NFATC2: variants seen among roughly 807,000 people sequenced by gnomAD.
The protein encoded by NFATC2 is nuclear factor of activated T-cells, cytoplasmic 2.
In NFATC2, 22 loss-of-function variants were observed where a neutral mutation model predicts 87.3. The observed-to-expected ratio is 0.25, with a 90% CI of 0.18 to 0.36. NFATC2 has a LOEUF of 0.36. Ranked by LOEUF, NFATC2 falls within the 10% of genes least tolerant of loss-of-function variation. NFATC2 has a pLI of 1.00. For synonymous variants in NFATC2, 565 were observed against 542.2 expected, an observed-to-expected ratio of 1.04 and a Z score of -0.58; for missense variants, 1,149 against 1,259.1, an observed-to-expected ratio of 0.91 and a Z score of 1.32.
At chr20:51,406,103 G>A (rs144953912) in intron 9 of NFATC2, among the ~76,000 whole-genome samples, 10 of 152,226 alleles carry the variant, frequency 6.6e-5, no homozygotes, top group African/African-American at 1.9e-4. Flanking sequence ...TAATCCTCAC[G>A]GTCATCCCAT....
In NFATC2 at chr20:51,493,306, C is replaced by T. The variant is rs73910889; in HGVS notation, c.1333-17646G>A. ...TAAGCACAGCTCTTAGAACCAGTGGCGACACATAGTAAGCGCTCAGTAAAC... is the reference window on the plus strand; with the variant it reads ...TAAGCACAGCTCTTAGAACCAGTGGTGACACATAGTAAGCGCTCAGTAAAC... On this transcript the variant is annotated intron_variant, in intron 3 of 10. Transcript: ENST00000371564. Among the ~76,000 whole-genome samples, 839 of 152,182 alleles carry T rather than the reference C, an allele frequency of 5.5e-3. 5 individuals carry two copies. The highest frequency in any genetic ancestry group is 0.019 in the African/African-American group (804 of 41,508).
chr20:51,432,200 G>A lies in NFATC2; in HGVS notation c.2589C>T (p.Val863=), dbSNP rs1317519429. ...QRLSPGSYPT[V]IQQQNATSQR... is the part of the protein sequence containing the mutation. ...GGCTCGTGGCATTCTGCTGCTGAAT[G>A]ACTGTGGGGTAGGAACCCGGGCTCA... is the stretch of plus-strand genomic sequence containing the variant. Residue 863 remains valine (V), a synonymous_variant, in exon 9 of 11, where the codon GTC becomes GTT. Coordinates refer to ENST00000371564, the MANE Select transcript of NFATC2 (RefSeq NM_012340.5). This position sits in a 1 kb window ranked among gnomAD's most constrained non-coding sequence, Gnocchi z 4.6. The A allele has an allele frequency of 6.2e-7, 1 of 1,612,316 alleles. No individual in the cohort carries two copies. The highest frequency in any genetic ancestry group is 1.3e-5 in the African/African-American group (1 of 74,886).
At chr20:51,477,533 GTCTATA>G (rs1411601251) in intron 3 of NFATC2, among the ~76,000 whole-genome samples, 15 of 68,538 alleles carry the variant, frequency 2.2e-4, no homozygotes, top group South Asian at 5.1e-4. Flanking sequence ...GTGTGTGTGT[GTCTATA>G]TATATATATA....
intron 9 of NFATC2, among the ~76,000 whole-genome samples, chr20:51,404,080 T>G (rs1056916187): frequency 6.6e-6 from 1 of 152,144 alleles, no homozygotes; most frequent in African/African-American, 2.4e-5. Context: ...CACACCTTTG[T>G]GTCGCTTGGC....
chr20:51,469,458 A>G (rs1252805830), intron 5 of NFATC2, among the ~76,000 whole-genome samples: 1 of 152,218 alleles, frequency 6.6e-6, no homozygotes, highest in East Asian at 1.9e-4. Context: ...AGGAGCAGAC[A>G]GGAAGGGAAG....
chr20:51,503,668 G>C (rs1453650595), intron 3 of NFATC2, among the ~76,000 whole-genome samples: 1 of 152,260 alleles, frequency 6.6e-6, no homozygotes, highest in Non-Finnish European at 1.5e-5. Flanking sequence ...AGCCCACAGC[G>C]AGGCTGCACC....
chr20:51,424,562 G>T (rs927213369), intron 9 of NFATC2, among the ~76,000 whole-genome samples: 1 of 152,198 alleles, frequency 6.6e-6, no homozygotes, highest in Admixed American at 6.5e-5. Flanking sequence ...AGTTACAAAA[G>T]AGGGCAGTGA....
At position 51,461,034 on chromosome 20, in the gene NFATC2, A is replaced by T. The variant is rs114755973; in HGVS notation, c.1709-6346T>A. On this transcript the variant is annotated intron_variant, in intron 5 of 10. Transcript: ENST00000371564. Reference sequence around the variant, plus strand: ...TTAAGAGGCCACCTGAGGACGGGGAACTCCTCCAGGGCAGGCCCCAGTCCT... The same window carrying T: ...TTAAGAGGCCACCTGAGGACGGGGATCTCCTCCAGGGCAGGCCCCAGTCCT... Among the ~76,000 whole-genome samples, 650 of 152,198 alleles carry T rather than the reference A, an allele frequency of 4.3e-3. 6 individuals carry two copies. The highest frequency in any genetic ancestry group is 0.015 in the African/African-American group (639 of 41,530).
chr20:51,540,085 CTCACTGCA>C (rs1326728932), intron 1 of NFATC2, among the ~76,000 whole-genome samples: 4 of 152,234 alleles, frequency 2.6e-5, no homozygotes, highest in Non-Finnish European at 2.9e-5. Flanking sequence ...TGCCACCTGC[CTCACTGCA>C]ACTTCTGCCT....
rs546708576 is a variant in NFATC2, at chr20:51,458,642, C to CAAAA, written c.1709-3958_1709-3955dup. On this transcript the variant is annotated intron_variant, in intron 5 of 10. Coordinates refer to ENST00000371564, the MANE Select transcript of NFATC2 (RefSeq NM_012340.5). ...TGAAACCCCGTCTCTACTAAAACTC[C>CAAAA]AAAAAAAAAAAAAAAGAAATTATCT... Among the ~76,000 whole-genome samples the CAAAA allele has an allele frequency of 4.7e-5, 6 of 127,708 alleles. No homozygotes were observed. The East Asian group carries it at 9.2e-4, about 20-fold the overall frequency. 83.8% of individuals were successfully genotyped at this position (127,708 alleles called of 152,430 possible).
chr20:51,435,610 G>A lies in NFATC2; in HGVS notation c.1905+96C>T. 2.2e-6 allele frequency: 3 copies of A among 1,341,654 alleles called. No homozygotes were observed. The Admixed American group carries it at 6.0e-5, about 27-fold the overall frequency. The allele number at this position is 1,341,654 out of a possible 1,614,324, so 83.1% of individuals were successfully genotyped here. On this transcript the variant is annotated intron_variant, in intron 7 of 10. Transcript: ENST00000371564. ...GTACCTGTTAGGTCCAGAGCTCTGG[G>A]GGACACTGATGAAGGAAGGAGGGAA...
chr20:51,395,263 C>G (rs1473701320), intron 10 of NFATC2, among the ~76,000 whole-genome samples: 1 of 152,094 alleles, frequency 6.6e-6, no homozygotes, highest in Non-Finnish European at 1.5e-5. Flanking sequence ...GACCAATACT[C>G]TCCCTAGCAG....
intron 1 of NFATC2, among the ~76,000 whole-genome samples, chr20:51,530,172 G>GT (rs1034141715): frequency 6.6e-6 from 1 of 152,020 alleles, no homozygotes; most frequent in Non-Finnish European, 1.5e-5. Flanking sequence ...TTGTTTGTTT[G>GT]TTTTTTGTTT....
chr20:51,424,383 G>C (rs1243689613), intron 9 of NFATC2, among the ~76,000 whole-genome samples: 1 of 152,178 alleles, frequency 6.6e-6, no homozygotes, highest in Non-Finnish European at 1.5e-5. Flanking sequence ...TGACAAGGAA[G>C]AGGAGGAGGA....
intron 3 of NFATC2, among the ~76,000 whole-genome samples, chr20:51,486,303 C>T (rs1333567311): frequency 6.6e-6 from 1 of 152,198 alleles, no homozygotes; most frequent in African/African-American, 2.4e-5. Flanking sequence ...GCTTCATCTC[C>T]CCAACTCCAG....
In NFATC2 at chr20:51,524,675, C is replaced by T. The variant is rs545150430; in HGVS notation, c.131-565G>A. Reference sequence around the variant, plus strand: ...GAGGGAGGCTGCGCAGACTCTGCAGCCCACAGTGCCCTGGGCTTCAATCCC... The same window carrying T: ...GAGGGAGGCTGCGCAGACTCTGCAGTCCACAGTGCCCTGGGCTTCAATCCC... On this transcript the variant is annotated intron_variant, in intron 1 of 10. Transcript: ENST00000371564. The surrounding 1 kb of genome is among the most constrained non-coding windows in gnomAD (Gnocchi z 4.0). Among the ~76,000 whole-genome samples, 3 of 152,272 alleles carry T rather than the reference C, an allele frequency of 2.0e-5. No homozygotes were observed. The highest frequency in any genetic ancestry group is 7.2e-5 in the African/African-American group (3 of 41,558).
At position 51,432,318 on chromosome 20, in the gene NFATC2, C is replaced by T. The variant is rs1314787185; in HGVS notation, c.2471G>A (p.Ser824Asn). Residue 824 changes from serine (S) to asparagine (N), a missense_variant, in exon 9 of 11, where the codon AGC becomes AAC. Physicochemically the swap from Ser to Asn is conservative, Grantham distance 46. This residue lies in a region of NFATC2 where 581 missense variants were observed against 649.7 expected (regional missense o/e 0.89). Transcript: ENST00000371564. This position sits in a 1 kb window ranked among gnomAD's most constrained non-coding sequence, Gnocchi z 4.6. ...SPTNQQLRCG[S>N]HQEFQHIMYC... is the part of the protein sequence containing the mutation. ...CATGATGTGCTGGAACTCCTGGTGG[C>T]TTCCGCAGCGCAGCTGCTGGTTGGT... 5 of 1,614,218 alleles carry T rather than the reference C, an allele frequency of 3.1e-6. No homozygotes were observed.
intron 3 of NFATC2, among the ~76,000 whole-genome samples, chr20:51,506,324 T>A (rs2076178593): frequency 6.6e-6 from 1 of 152,196 alleles, no homozygotes; most frequent in Non-Finnish European, 1.5e-5. Flanking sequence ...CCATTCCACA[T>A]CATGTGCTTG....
intron 1 of NFATC2, among the ~76,000 whole-genome samples, chr20:51,540,647 G>GTTTTTTTGTTTT (rs2076793412): frequency 1.8e-5 from 2 of 112,974 alleles, no homozygotes; most frequent in African/African-American, 8.8e-5. Flanking sequence ...AAAAACTGAA[G>GTTTTTTTGTTTT]TTTTTTTTTT....
Sources: allele counts gnomAD v4.1 joint callset (sites outside exome capture counted in the v4.1 genomes callset), GRCh38; gene constraint gnomAD v4.1.1; regional missense constraint gnomAD v4.1.1; non-coding constraint Gnocchi (gnomAD v3.1); transcripts MANE v1.5; gene names NCBI Gene and HGNC (gene_info 2026-07-23, HGNC 2026-07-21).